DSCC1: variants seen among roughly 807,000 people sequenced by gnomAD.
The protein encoded by DSCC1 is sister chromatid cohesion protein DCC1.
In DSCC1, 32 loss-of-function variants were observed where a neutral mutation model predicts 48.2. The observed-to-expected ratio is 0.66, with a 90% CI of 0.50 to 0.89. The LOEUF is 0.89. DSCC1 is among the 40% of genes least tolerant of loss of function. The pLI is 0.00. For synonymous variants in DSCC1, 150 were observed against 171.5 expected (o/e 0.87, Z 0.98); for missense variants, 421 against 471.7 (o/e 0.89, Z 1.00).
chr8:119,852,079 A>T (rs1448495879), intron 2 of DSCC1, among the ~76,000 whole-genome samples: 1 of 152,196 alleles, frequency 6.6e-6, no homozygotes, highest in Non-Finnish European at 1.5e-5. Flanking sequence ...GAATCACTGG[A>T]GCTTCCCAGC....
chr8:119,841,871 AT>A lies in DSCC1; in HGVS notation c.846del (p.Lys282AsnfsTer20). 6.2e-7 allele frequency: 1 copy of A among 1,614,122 alleles called. No homozygotes were observed. Among genetic ancestry groups the A allele is most frequent in the Non-Finnish European group, 8.5e-7 (1 of 1,180,006 alleles). On this transcript the variant is annotated frameshift_variant, in exon 7 of 9. Transcript: ENST00000313655. LOFTEE classifies it high-confidence loss of function. ...ACTTCTTGAAACTCAGCGAGATTGA[AT>A]TTCACCGCATTCTGAAGTAGCATTC... Reference protein sequence around the residue: ...AARMLLQNAVKFNLAEFQEVW... With the variant: ...AARMLLQNAVXFNLAEFQEVW...
At chr8:119,840,152 A>G (rs1325311733) in intron 7 of DSCC1, 1 of 152,234 alleles carries the variant, frequency 6.6e-6, no homozygotes, top group Admixed American at 6.5e-5. Flanking sequence ...TCATTTAACT[A>G]ACAAAATATT....
rs760296175 is a variant in DSCC1 at position 119,855,693 on chromosome 8, C to T, written c.103G>A (p.Ala35Thr). The T allele has an allele frequency of 6.4e-7, 1 of 1,557,226 alleles. No individual in the cohort carries two copies. The highest frequency in any genetic ancestry group is 1.2e-5 in the South Asian group (1 of 84,798). Residue 35 changes from alanine (A) to threonine (T), a missense_variant, in exon 1 of 9, where the codon GCC becomes ACC. Physicochemically the swap from Ala to Thr is moderately conservative, Grantham distance 58. Around this residue, in one of 3 missense-constraint regions of DSCC1, gnomAD observed 174 missense variants for 184.5 expected, o/e 0.94. Transcript: ENST00000313655. ...AAGTCGCCGGCTGCAGCGCCGCTGG[C>T]CCCAGGGCCGAAGCCCAGGCAGTGC... ...AVHCLGFGPG[A>T]SGAAAGDFCL...
chr8:119,842,542 C>A (rs1208590591), intron 6 of DSCC1, among the ~76,000 whole-genome samples: 1 of 151,924 alleles, frequency 6.6e-6, no homozygotes, highest in African/African-American at 2.4e-5. Context: ...ACTGCCACAC[C>A]CAGCTAATTT....
intron 8 of DSCC1, among the ~76,000 whole-genome samples, chr8:119,835,755 A>G (rs889311098): frequency 2.0e-5 from 3 of 152,148 alleles, no homozygotes; most frequent in African/African-American, 7.2e-5. Context: ...CCTGGATACA[A>G]GGTACCTGTG....
chr8:119,849,798 A>G (rs1826918637), intron 3 of DSCC1, among the ~76,000 whole-genome samples: 1 of 152,226 alleles, frequency 6.6e-6, no homozygotes, highest in African/African-American at 2.4e-5. Flanking sequence ...AAATTTTTAG[A>G]AAGAGTCCAT....
chr8:119,841,731 A>G, intron 7 of DSCC1, 63 bp downstream of exon 7: 4 of 1,564,870 alleles, frequency 2.6e-6, no homozygotes, highest in Non-Finnish European at 3.5e-6. Context: ...CTCCAACTCA[A>G]GTATCATTCA....
intron 8 of DSCC1, among the ~76,000 whole-genome samples, chr8:119,837,442 A>G (rs1337584958): frequency 1.3e-5 from 2 of 152,190 alleles, no homozygotes; most frequent in Non-Finnish European, 2.9e-5. Flanking sequence ...TGAAAAAAAT[A>G]AGATCATAAA....
intron 2 of DSCC1, among the ~76,000 whole-genome samples, chr8:119,852,162 G>A (rs6995123): frequency 0.13 from 20,164 of 152,050 alleles, 2,338 homozygotes; most frequent in African/African-American, 0.32. Context: ...AAAGAAATAA[G>A]GGCTATGCTT....
chr8:119,841,680 C>T (rs983807397), intron 7 of DSCC1, 114 bp downstream of exon 7: 1 of 1,170,004 alleles, frequency 8.5e-7, no homozygotes, highest in Non-Finnish European at 1.2e-6. Context: ...TACATGCACT[C>T]CTAATGGGTG....
chr8:119,841,812 A>C lies in DSCC1; in HGVS notation c.906T>G (p.Thr302=). ...CTATTACCTTAAGCTGATCAAGACTAGTTACCATTCCTTCAGGAACACTCT... is the reference window on the plus strand; with the variant it reads ...CTATTACCTTAAGCTGATCAAGACTCGTTACCATTCCTTCAGGAACACTCT... ...WQQSVPEGMV[T]SLDQLKGLAL... is the part of the protein sequence containing the mutation. Residue 302 remains threonine, a synonymous_variant, in exon 7 of 9, where the codon ACT becomes ACG. Coordinates refer to ENST00000313655, the MANE Select transcript of DSCC1 (RefSeq NM_024094.3). 1.9e-6 allele frequency: 3 copies of C among 1,614,038 alleles called. No homozygotes were observed. Among genetic ancestry groups the C allele is most frequent in the Non-Finnish European group, 2.5e-6 (3 of 1,179,984 alleles).
intron 2 of DSCC1, chr8:119,852,832 G>GA: frequency 2.4e-6 from 1 of 418,228 alleles, no homozygotes; most frequent in East Asian, 3.8e-5. Flanking sequence ...ATTGGGACTT[G>GA]AAAATCAAAA....
In DSCC1 at chr8:119,855,637, G is replaced by A. The variant is rs1586585883; in HGVS notation, c.159C>T (p.Cys53=). The change falls in exon 1 of 9, where the codon TGC becomes TGT. Residue 53 remains cysteine, a synonymous_variant. Transcript: ENST00000313655. ...FCLLELEPTL[C]QQLEDGHSLV... is the part of the protein sequence containing the mutation. ...ACCTGTGTCCATCCTCCAGCTGCTG[G>A]CACAGCGTGGGCTCCAGCTCCAGCA... is the stretch of plus-strand genomic sequence containing the variant. 1 of 1,545,952 alleles carries A rather than the reference G, an allele frequency of 6.5e-7. No individual in the cohort carries two copies. Among genetic ancestry groups the A allele is most frequent in the South Asian group, 1.2e-5 (1 of 83,986 alleles).
In DSCC1 at chr8:119,834,843, C is replaced by T. The variant is rs1399509630; in HGVS notation, c.*50G>A. Reference sequence around the variant, plus strand: ...AAGTACAAGTTATTTTTCTTCTATCCAGCAACTTTATAAAGCAACTTGAGT... The same window carrying T: ...AAGTACAAGTTATTTTTCTTCTATCTAGCAACTTTATAAAGCAACTTGAGT... On this transcript the variant is annotated 3_prime_UTR_variant, in exon 9 of 9. Coordinates refer to ENST00000313655, the MANE Select transcript of DSCC1 (RefSeq NM_024094.3). The T allele has an allele frequency of 7.1e-6, 9 of 1,263,898 alleles. No homozygotes were observed. The highest frequency in any genetic ancestry group is 1.0e-5 in the Non-Finnish European group (9 of 875,358). 78.3% of individuals were successfully genotyped at this position (1,263,898 alleles called of 1,614,324 possible). A position where few individuals can be genotyped will look rare whatever the true frequency, so the allele number is the denominator to read the frequency against.
At chr8:119,853,990 G>A (rs969235105) in intron 1 of DSCC1, among the ~76,000 whole-genome samples, 1 of 152,134 alleles carries the variant, frequency 6.6e-6, no homozygotes, top group South Asian at 2.1e-4. Context: ...CCAGAAGATC[G>A]CTCGAGAGCA....
At chr8:119,844,481 T>G (rs1336317164) in intron 4 of DSCC1, among the ~76,000 whole-genome samples, 2 of 151,862 alleles carry the variant, frequency 1.3e-5, no homozygotes, top group Non-Finnish European at 2.9e-5. Context: ...ACAGTGCTTC[T>G]TTTTAAGCTT....
intron 1 of DSCC1, among the ~76,000 whole-genome samples, chr8:119,854,210 C>A (rs1006496295): frequency 3.9e-5 from 6 of 152,044 alleles, no homozygotes; most frequent in African/African-American, 1.4e-4. Flanking sequence ...CAGAGTGAGA[C>A]CCTGTTCCCA....
chr8:119,841,221 A>T (rs1341408984), intron 7 of DSCC1, among the ~76,000 whole-genome samples: 1 of 152,100 alleles, frequency 6.6e-6, no homozygotes, highest in Non-Finnish European at 1.5e-5. Flanking sequence ...TGAACTCCTG[A>T]CCTCAGGTGA....
chr8:119,842,892 C>T, intron 5 of DSCC1, 64 bp from the exon 6 acceptor site: 2 of 1,315,882 alleles, frequency 1.5e-6, no homozygotes, highest in South Asian at 1.3e-5. Context: ...ATTTTAACCC[C>T]ATTGCCAACT....
Sources: allele counts gnomAD v4.1 joint callset (sites outside exome capture counted in the v4.1 genomes callset), GRCh38; gene constraint gnomAD v4.1.1; regional missense constraint gnomAD v4.1.1; transcripts MANE v1.5; gene names NCBI Gene and HGNC (gene_info 2026-07-23, HGNC 2026-07-21).